HARS2: variants seen among roughly 807,000 people sequenced by gnomAD.
HARS2 encodes histidyl-tRNA synthetase 2, mitochondrial.
A neutral mutation model predicts 62.4 loss-of-function variants in HARS2; 40 were observed. The ratio of observed to expected loss-of-function variants is 0.64; its 90% confidence interval spans 0.50 to 0.83. The LOEUF (loss-of-function observed/expected upper bound fraction) is 0.83, where lower values mean the gene tolerates loss of function less well. HARS2 is among the 40% of genes least tolerant of loss of function. The pLI is 0.00. For missense variants in HARS2, 569 were observed against 626.4 expected (o/e 0.91, Z 0.98); for synonymous variants, 228 against 227.0 (o/e 1.00, Z -0.04).
chr5:140,697,037 T>C lies in HARS2; in HGVS notation c.921T>C (p.Phe307=). Residue 307 remains phenylalanine (F), a synonymous_variant, in exon 9 of 13, where the codon TTT becomes TTC. Coordinates refer to ENST00000230771, the MANE Select transcript of HARS2 (RefSeq NM_012208.4). ...LEGLGDLKLL[F]EYLTLFGIAD... ...GCCTGGGAGACCTAAAGCTGCTATT[T>C]GAATACCTGACTTTATTTGGAATTG... is the stretch of plus-strand genomic sequence containing the variant. The C allele has an allele frequency of 6.2e-7, 1 of 1,614,138 alleles. No homozygotes were observed. Among genetic ancestry groups the C allele is most frequent in the Non-Finnish European group, 8.5e-7 (1 of 1,180,030 alleles).
chr5:140,691,868 C>A, intron 1 of HARS2, 112 bp downstream of exon 1: 1 of 764,484 alleles, frequency 1.3e-6, no homozygotes, highest in Non-Finnish European at 2.3e-6. Flanking sequence ...ATCGAGTGCC[C>A]ACTATGTACT....
At chr5:140,694,973 G>A (rs1000790166) in intron 4 of HARS2, among the ~76,000 whole-genome samples, 1 of 151,550 alleles carries the variant, frequency 6.6e-6, no homozygotes, top group African/African-American at 2.4e-5. Context: ...TTGTGGAGAT[G>A]GGTGTCTTTG....
Position 140,698,546 on chromosome 5 carries a change from G to A in HARS2, c.1515G>A (p.Glu505=), listed in dbSNP as rs370053420. The A allele has an allele frequency of 3.1e-6, 5 of 1,611,772 alleles. No individual in the cohort carries two copies. In the Admixed American group the frequency reaches 6.7e-5, roughly 21 times the overall value. ...FVAEIQKRLS[E]S ...CTGAAATTCAGAAGCGACTGTCTGA[G>A]TCTTGATCCTTGCCTGATTCCCATC... The change falls in exon 13 of 13, where the codon GAG becomes GAA. Residue 505 remains glutamate (E), a synonymous_variant. Coordinates refer to ENST00000230771, the MANE Select transcript of HARS2 (RefSeq NM_012208.4).
At chr5:140,694,119 AG>A (rs1759656626) in intron 3 of HARS2, 65 bp downstream of exon 3, 1 of 1,608,750 alleles carries the variant, frequency 6.2e-7, no homozygotes, top group Non-Finnish European at 8.5e-7. Flanking sequence ...AGTGTCCCAA[AG>A]GGCTTCTCAT....
At chr5:140,696,656 A>G (rs1343159780) in intron 8 of HARS2, 42 bp downstream of exon 8, 1 of 1,325,362 alleles carries the variant, frequency 7.5e-7, no homozygotes, top group Admixed American at 1.7e-5. Context: ...AACCAGGCTG[A>G]AGGTGACATG....
At position 140,696,902 on chromosome 5, in the gene HARS2, AAC is replaced by A. The variant is rs752777192; in HGVS notation, c.827-37_827-36del. The A allele has an allele frequency of 1.4e-5, 22 of 1,597,112 alleles. No homozygotes were observed. In the East Asian group the frequency reaches 4.5e-4, roughly 32 times the overall value. ...GCACATTAGGGATAATTTTGAATGAAACACATGTGAGTGAACAGCAGAGACTT... is the reference window on the plus strand; with the variant it reads ...GCACATTAGGGATAATTTTGAATGAAACATGTGAGTGAACAGCAGAGACTT... On this transcript the variant is annotated intron_variant, in intron 8 of 12. Transcript: ENST00000230771.
Position 140,695,213 on chromosome 5 carries a change from T to A in HARS2, c.400-295T>A, listed in dbSNP as rs151130040. On this transcript the variant is annotated intron_variant, in intron 4 of 12. Coordinates refer to ENST00000230771, the MANE Select transcript of HARS2 (RefSeq NM_012208.4). ...TGAAGCTTGACTATTTTGAGATGGTTCGGAATCGATCTGAATGGGCAGAAA... is the reference window on the plus strand; with the variant it reads ...TGAAGCTTGACTATTTTGAGATGGTACGGAATCGATCTGAATGGGCAGAAA... Among the ~76,000 whole-genome samples, 491 of 152,320 alleles carry A rather than the reference T, an allele frequency of 3.2e-3. 2 individuals are homozygous for A. Among genetic ancestry groups the A allele is most frequent in the South Asian group, 4.6e-3 (22 of 4,834 alleles).
rs1581536078 is a variant in HARS2, at chr5:140,691,720, C to A, written c.72C>A (p.Cys24Ter). 6.4e-7 allele frequency: 1 copy of A among 1,552,590 alleles called. No homozygotes were observed. The highest frequency in any genetic ancestry group is 2.4e-5 in the East Asian group (1 of 41,102). Residue 24 changes from cysteine (C) to a stop codon, truncating the protein, a stop_gained, in exon 1 of 13, where the codon TGC (cysteine) becomes TGA (stop). Coordinates refer to ENST00000230771, the MANE Select transcript of HARS2 (RefSeq NM_012208.4). LOFTEE classifies it high-confidence loss of function. ...TCAGCCAGCTCCTGCGACCGCCCTGCGCTTCGTGCACCGGGGCGGTCCGTT... is the reference window on the plus strand; with the variant it reads ...TCAGCCAGCTCCTGCGACCGCCCTGAGCTTCGTGCACCGGGGCGGTCCGTT... Reference protein sequence around the residue: ...SLLSQLLRPPCASCTGAVRCQ... With the variant: ...SLLSQLLRPP
chr5:140,691,894 G>A, intron 1 of HARS2, 138 bp downstream of exon 1: 1 of 669,696 alleles, frequency 1.5e-6, no homozygotes, highest in South Asian at 1.6e-5. Flanking sequence ...TGAACTAAGC[G>A]ATTTGGATGC....
At chr5:140,698,432 A>G in intron 12 of HARS2, 61 bp from the exon 13 acceptor site, 1 of 1,213,466 alleles carries the variant, frequency 8.2e-7, no homozygotes, top group East Asian at 2.3e-5. Context: ...CTGGAAAAAC[A>G]GTGGCTAAGG....
chr5:140,694,975 G>A (rs180875929), intron 4 of HARS2, among the ~76,000 whole-genome samples: 2 of 151,762 alleles, frequency 1.3e-5, no homozygotes, highest in Admixed American at 6.6e-5. Context: ...GTGGAGATGG[G>A]TGTCTTTGTT....
chr5:140,693,991 G>T lies in HARS2; in HGVS notation c.240G>T (p.Leu80Phe). The T allele has an allele frequency of 2.5e-6, 4 of 1,613,982 alleles. No individual in the cohort carries two copies. The highest frequency in any genetic ancestry group is 3.4e-6 in the Non-Finnish European group (4 of 1,179,868). Reference protein sequence around the residue: ...HMVVREKILDLVISCFKRHGA... With the variant: ...HMVVREKILDFVISCFKRHGA... ...TTGTGAGGGAGAAAATTCTTGATTT[G>T]GTTATCAGCTGCTTTAAACGTCATG... The change falls in exon 3 of 13, where the codon TTG becomes TTT. Residue 80 changes from leucine (L) to phenylalanine (F), a missense_variant. Coordinates refer to ENST00000230771, the MANE Select transcript of HARS2 (RefSeq NM_012208.4).
Position 140,694,014 on chromosome 5 carries a change from A to C in HARS2, c.263A>C (p.His88Pro), listed in dbSNP as rs1332150487. Residue 88 changes from histidine to proline, a missense_variant, in exon 3 of 13, where the codon CAT becomes CCT. His to Pro is a moderately conservative substitution (Grantham distance 77). Transcript: ENST00000230771. Reference protein sequence around the residue: ...LDLVISCFKRHGAKGMDTPAF... With the variant: ...LDLVISCFKRPGAKGMDTPAF... ...TTGGTTATCAGCTGCTTTAAACGTCATGGAGCAAAGGGGATGGACACCCCA... is the reference window on the plus strand; with the variant it reads ...TTGGTTATCAGCTGCTTTAAACGTCCTGGAGCAAAGGGGATGGACACCCCA... 6.2e-7 allele frequency: 1 copy of C among 1,614,032 alleles called. No homozygotes were observed. Among genetic ancestry groups the C allele is most frequent in the Non-Finnish European group, 8.5e-7 (1 of 1,179,996 alleles).
In HARS2 at chr5:140,693,618, C is replaced by G; in HGVS notation, c.136C>G (p.Leu46Val). 6.2e-7 allele frequency: 1 copy of G among 1,614,078 alleles called. No individual in the cohort carries two copies. Among genetic ancestry groups the G allele is most frequent in the Non-Finnish European group, 8.5e-7 (1 of 1,179,918 alleles). ...TGCAGAGGCAGTGTTAACATCCCAA[C>G]TGAAAGCACATCAAGAGAAACCAAA... ...QVAEAVLTSQ[L>V]KAHQEKPNFI... is the part of the protein sequence containing the mutation. Residue 46 changes from leucine (L) to valine (V), a missense_variant, in exon 2 of 13, where the codon CTG (leucine) becomes GTG (valine). Physicochemically the swap from Leu to Val is conservative, Grantham distance 32. Coordinates refer to ENST00000230771, the MANE Select transcript of HARS2 (RefSeq NM_012208.4).
chr5:140,692,817 CG>C (rs1201311881), intron 1 of HARS2, among the ~76,000 whole-genome samples: 2 of 151,164 alleles, frequency 1.3e-5, no homozygotes, highest in African/African-American at 4.9e-5. Flanking sequence ...CGCTTGAACC[CG>C]GGAGGCGGAG....
rs757339668 is a variant in HARS2, at chr5:140,697,616, C to T, written c.1245C>T (p.Ala415=). The T allele has an allele frequency of 1.2e-6, 2 of 1,613,930 alleles. No homozygotes were observed. The highest frequency in any genetic ancestry group is 1.7e-5 in the Admixed American group (1 of 60,012). The change falls in exon 11 of 13, where the codon GCC becomes GCT. Residue 415 remains alanine (A), a synonymous_variant. Coordinates refer to ENST00000230771, the MANE Select transcript of HARS2 (RefSeq NM_012208.4). ...VRTTETQVFV[A]TPQKNFLQER... ...CTACAGAGACTCAAGTGTTTGTGGC[C>T]ACACCACAGAAGAACTTTCTCCAAG... is the stretch of plus-strand genomic sequence containing the variant.
At position 140,693,963 on chromosome 5, in the gene HARS2, T is replaced by G; in HGVS notation, c.212T>G (p.Met71Arg). Reference protein sequence around the residue: ...KGTRDLSPQHMVVREKILDLV... With the variant: ...KGTRDLSPQHRVVREKILDLV... ...ACCAGGGATCTTAGTCCTCAGCATA[T>G]GGTTGTGAGGGAGAAAATTCTTGAT... Residue 71 changes from methionine to arginine, a missense_variant, in exon 3 of 13, where the codon ATG becomes AGG. By Grantham distance (91) the Met-to-Arg change is moderately conservative (BLOSUM62 -1). Coordinates refer to ENST00000230771, the MANE Select transcript of HARS2 (RefSeq NM_012208.4). 2 of 1,613,884 alleles carry G rather than the reference T, an allele frequency of 1.2e-6. No homozygotes were observed. The highest frequency in any genetic ancestry group is 8.5e-7 in the Non-Finnish European group (1 of 1,179,786).
chr5:140,691,577 T>C lies in HARS2; in HGVS notation c.-72T>C, dbSNP rs1759467665. ...TCCGCCTTTGCAGTGCCCTCCACCC[T>C]TCCTGGTGTCTGACCCGCCTCCTTC... On this transcript the variant is annotated 5_prime_UTR_variant, in exon 1 of 13. Coordinates refer to ENST00000230771, the MANE Select transcript of HARS2 (RefSeq NM_012208.4). 5 of 1,037,370 alleles carry C rather than the reference T, an allele frequency of 4.8e-6. No homozygotes were observed. In the South Asian group the frequency reaches 6.8e-5, roughly 14 times the overall value. 64.3% of individuals were successfully genotyped at this position (1,037,370 alleles called of 1,614,324 possible).
chr5:140,691,677 G>T lies in HARS2; in HGVS notation c.29G>T (p.Arg10Met), dbSNP rs760793114. The stretch of plus-strand genomic sequence containing the variant: ...CCCCTGCTCGGACTTCTTCCCAGGA[G>T]GGCCTGGGCTTCGCTGCTCAGCCAG... MPLLGLLPR[R>M]AWASLLSQLL... The change falls in exon 1 of 13, where the codon AGG (arginine) becomes ATG (methionine). Residue 10 changes from arginine (R) to methionine (M), a missense_variant. Physicochemically the swap from Arg to Met is moderately conservative, Grantham distance 91. Coordinates refer to ENST00000230771, the MANE Select transcript of HARS2 (RefSeq NM_012208.4). 1.9e-6 allele frequency: 3 copies of T among 1,551,330 alleles called. No homozygotes were observed. In the South Asian group the frequency reaches 3.6e-5, roughly 18 times the overall value.
Sources: allele counts gnomAD v4.1 joint callset (sites outside exome capture counted in the v4.1 genomes callset), GRCh38; gene constraint gnomAD v4.1.1; transcripts MANE v1.5; gene names NCBI Gene and HGNC (gene_info 2026-07-23, HGNC 2026-07-21).